The following LAMC3 variants were observed in gnomAD, a reference collection of about 807,000 sequenced individuals.
The protein encoded by LAMC3 is laminin subunit gamma 3, also known as laminin subunit gamma-3.
Under a neutral mutation model 173.8 loss-of-function variants are expected in LAMC3, and 128 were observed. The observed-to-expected ratio is 0.74, with a 90% CI of 0.64 to 0.85. The LOEUF (loss-of-function observed/expected upper bound fraction) is 0.85, where lower values mean the gene tolerates loss of function less well. Among genes scored for constraint, LAMC3 ranks in the 40% least tolerant of loss-of-function variants. The pLI, the probability that LAMC3 is intolerant of heterozygous loss-of-function variation, is 0.00. For missense variants in LAMC3, 2,022 were observed against 2,156.0 expected, an observed-to-expected ratio of 0.94 and a Z score of 1.23; for synonymous variants, 897 against 909.1, an observed-to-expected ratio of 0.99 and a Z score of 0.24.
At chr9:131,036,363 G>A (rs766818020) in intron 4 of LAMC3, 31 bp downstream of exon 4, 2 of 1,612,136 alleles carry the variant, frequency 1.2e-6, no homozygotes, top group African/African-American at 2.7e-5. Context: ...GGGCATCAGG[G>A]ACCCGAGGCT....
At chr9:131,074,979 A>G (rs779707738) in intron 20 of LAMC3, among the ~76,000 whole-genome samples, 1 of 151,786 alleles carries the variant, frequency 6.6e-6, no homozygotes, top group Non-Finnish European at 1.5e-5. Flanking sequence ...AAAAGGTCCT[A>G]TTGGCCAGGC....
intron 24 of LAMC3, among the ~76,000 whole-genome samples, chr9:131,085,225 T>G (rs1830308914): frequency 6.6e-6 from 1 of 152,220 alleles, no homozygotes. Context: ...AGCCATGGAC[T>G]GTGCTAGTCC....
chr9:131,064,148 T>G (rs1334898329), intron 13 of LAMC3, among the ~76,000 whole-genome samples: 2 of 152,092 alleles, frequency 1.3e-5, no homozygotes, highest in African/African-American at 4.8e-5. Context: ...CCTCAAGTGA[T>G]CCACTCACCT....
At chr9:131,043,745 ACAGTGGTAATTGCTACAGG>A (rs1421427423) in intron 7 of LAMC3, among the ~76,000 whole-genome samples, 2 of 152,248 alleles carry the variant, frequency 1.3e-5, no homozygotes, top group African/African-American at 4.8e-5. Context: ...TTCAGACCTC[ACAGTGGTAATTGCTACAGG>A]CAAGAGCTGC....
At chr9:131,067,275 C>A in intron 14 of LAMC3, 70 bp downstream of exon 14, 1 of 1,592,350 alleles carries the variant, frequency 6.3e-7, no homozygotes, top group Non-Finnish European at 8.5e-7. Context: ...GGCTCAGGGC[C>A]CAGAAGGGGT....
At chr9:131,055,265 T>C (rs1315958665) in intron 11 of LAMC3, among the ~76,000 whole-genome samples, 2 of 152,158 alleles carry the variant, frequency 1.3e-5, no homozygotes, top group Non-Finnish European at 2.9e-5. Flanking sequence ...CCAGTCTCCC[T>C]GTTCTGTGTC....
chr9:131,078,447 T>C (rs4740410), intron 22 of LAMC3, among the ~76,000 whole-genome samples: 36,360 of 152,110 alleles, frequency 0.24, 4,815 homozygotes, highest in Middle Eastern at 0.29. Flanking sequence ...ATTGCGCCAC[T>C]GCACTCCAGC....
chr9:131,079,118 G>A lies in LAMC3; in HGVS notation c.3778-31G>A, dbSNP rs1385493679. The A allele has an allele frequency of 3.7e-6, 6 of 1,608,816 alleles. No individual in the cohort carries two copies. In the African/African-American group the frequency reaches 8.0e-5, roughly 21 times the overall value. ...ATCCGCTGCTTGCCCTTCCTTTCCA[G>A]GCCCTGCCTGAGCGCATTGTCTCCC... On this transcript the variant is annotated intron_variant, in intron 22 of 27. Coordinates refer to ENST00000361069, the MANE Select transcript of LAMC3 (RefSeq NM_006059.4).
At chr9:131,063,664 C>T (rs1202044939) in intron 13 of LAMC3, among the ~76,000 whole-genome samples, 1 of 152,174 alleles carries the variant, frequency 6.6e-6, no homozygotes, top group African/African-American at 2.4e-5. Flanking sequence ...GCAGCCCCTC[C>T]CAGGACTTCC....
rs757470740 is a variant in LAMC3 at position 131,069,694 on chromosome 9, C to T, written c.2913C>T (p.Gly971=). The T allele has an allele frequency of 6.2e-6, 10 of 1,603,700 alleles. No individual in the cohort carries two copies. The highest frequency in any genetic ancestry group is 1.7e-5 in the Admixed American group (1 of 58,796). The part of the protein sequence containing the change: ...GCRACRCSPL[G]AASAQCHENG... ...TAGCCTGCAGGTGCTCCCCACTGGGCGCTGCCTCGGCCCAGTGCCACGAGA... is the reference window on the plus strand; with the variant it reads ...TAGCCTGCAGGTGCTCCCCACTGGGTGCTGCCTCGGCCCAGTGCCACGAGA... Residue 971 remains glycine, a synonymous_variant, in exon 17 of 28, where the codon GGC becomes GGT. Transcript: ENST00000361069.
chr9:131,090,986 A>T (rs1830414617), intron 27 of LAMC3, among the ~76,000 whole-genome samples: 1 of 152,154 alleles, frequency 6.6e-6, no homozygotes, highest in South Asian at 2.1e-4. Context: ...GTACCACTGC[A>T]CTCCAGCCTG....
At chr9:131,050,860 C>A (rs562862199) in intron 9 of LAMC3, among the ~76,000 whole-genome samples, 1 of 151,972 alleles carries the variant, frequency 6.6e-6, no homozygotes, top group African/African-American at 2.4e-5. Flanking sequence ...GACTGTGATG[C>A]GGCCGGTTGT....
At chr9:131,060,347 A>G (rs561368243) in intron 12 of LAMC3, among the ~76,000 whole-genome samples, 2 of 152,284 alleles carry the variant, frequency 1.3e-5, no homozygotes, top group Admixed American at 1.3e-4. Flanking sequence ...CGGAATACAA[A>G]ATAATAACAG....
intron 1 of LAMC3, among the ~76,000 whole-genome samples, chr9:131,017,831 G>C (rs867456062): frequency 6.6e-6 from 1 of 150,776 alleles, no homozygotes; most frequent in East Asian, 2.0e-4. Flanking sequence ...TTCGAGACCA[G>C]CCTGGCCAAC....
intron 13 of LAMC3, 94 bp from the exon 14 acceptor site, chr9:131,066,865 GA>G: frequency 6.6e-7 from 1 of 1,519,768 alleles, no homozygotes. Context: ...CTGCTCCGGG[GA>G]AGGTGGAGGG....
rs955380126 is a variant in LAMC3 at position 131,073,238 on chromosome 9, T to G, written c.3418-7T>G. ...TCAGTTTCCTCCTCTTCCTCTTCTT[T>G]CTACAGGAGATTCCTCAGGAAGGTC... On this transcript the variant is annotated splice_polypyrimidine_tract_variant and splice_region_variant and intron_variant, in intron 19 of 27. Transcript: ENST00000361069. 6.2e-6 allele frequency: 10 copies of G among 1,610,170 alleles called. No individual in the cohort carries two copies. Among genetic ancestry groups the G allele is most frequent in the Admixed American group, 1.7e-5 (1 of 60,000 alleles).
intron 27 of LAMC3, among the ~76,000 whole-genome samples, chr9:131,089,141 C>G (rs186459754): frequency 3.6e-4 from 45 of 125,596 alleles, no homozygotes; most frequent in Non-Finnish European, 6.3e-4. Context: ...CACTCAGACA[C>G]AGGGTGGGGA....
rs754985069 is a variant in LAMC3 at position 131,032,092 on chromosome 9, C to T, written c.726C>T (p.Asn242=). 6.2e-7 allele frequency: 1 copy of T among 1,614,182 alleles called. No homozygotes were observed. The highest frequency in any genetic ancestry group is 1.1e-5 in the South Asian group (1 of 91,086). Residue 242 remains asparagine (N), a synonymous_variant, in exon 3 of 28, where the codon AAC becomes AAT. Coordinates refer to ENST00000361069, the MANE Select transcript of LAMC3 (RefSeq NM_006059.4). ...TELLISLDRL[N]TFGDDIFKDP... Reference sequence around the variant, plus strand: ...TCCTCATCTCTCTAGACCGGCTCAACACGTTTGGGGACGACATCTTCAAGG... The same window carrying T: ...TCCTCATCTCTCTAGACCGGCTCAATACGTTTGGGGACGACATCTTCAAGG...
rs575743277 is a variant in LAMC3 at position 131,049,169 on chromosome 9, C to T, written c.1630+39C>T. 2.6e-4 allele frequency: 303 copies of T among 1,186,322 alleles called. 4 individuals carry two copies. Among genetic ancestry groups the T allele is most frequent in the Middle Eastern group, 2.1e-3 (11 of 5,314 alleles). 73.5% of individuals were successfully genotyped at this position (1,186,322 alleles called of 1,614,324 possible). ...CAGGTGGGGGCTGGCCGCCCTGTGT[C>T]GGTTCCTCCTGCTGCTAAACAACTT... On this transcript the variant is annotated intron_variant, in intron 9 of 27. Transcript: ENST00000361069.
Sources: allele counts gnomAD v4.1 joint callset (sites outside exome capture counted in the v4.1 genomes callset), GRCh38; gene constraint gnomAD v4.1.1; transcripts MANE v1.5; gene names NCBI Gene and HGNC (gene_info 2026-07-23, HGNC 2026-07-21).